The following COL10A1 variants were observed in gnomAD, a reference collection of about 807,000 sequenced individuals.
COL10A1 encodes collagen alpha-1(X) chain.
Under a neutral mutation model 18.2 loss-of-function variants are expected in COL10A1, and 10 were observed. The observed-to-expected ratio is 0.55, with a 90% CI of 0.34 to 0.93. COL10A1 has a LOEUF of 0.93. Among genes scored for constraint, COL10A1 ranks in the 40% least tolerant of loss-of-function variants. The pLI is 0.02. For synonymous variants in COL10A1, 330 were observed against 316.6 expected (o/e 1.04, Z -0.45); for missense variants, 897 against 853.5 (o/e 1.05, Z -0.64).
At chr6:116,135,912 A>C in intron 1 of COL10A1, among the ~76,000 whole-genome samples, 2 of 146,888 alleles carry the variant, frequency 1.4e-5, no homozygotes, top group East Asian at 2.0e-4. Flanking sequence ...TACCACAATC[A>C]AGCTAATTAA....
At chr6:116,215,127 C>G in the COL10A1 span, among the ~76,000 whole-genome samples, 2 of 152,060 alleles carry the variant, frequency 1.3e-5, no homozygotes, top group Non-Finnish European at 2.9e-5. Context: ...GAACATTGTA[C>G]TGATATTAAT....
intron 1 of COL10A1, among the ~76,000 whole-genome samples, chr6:116,144,067 A>G (rs1410636712): frequency 3.3e-5 from 5 of 152,332 alleles, no homozygotes; most frequent in South Asian, 4.1e-4. Flanking sequence ...TTATATTTTT[A>G]TAATGAGGAT....
chr6:116,176,001 G>C, the COL10A1 span, among the ~76,000 whole-genome samples: 1 of 152,114 alleles, frequency 6.6e-6, no homozygotes, highest in Non-Finnish European at 1.5e-5. Context: ...ATTTTTGATT[G>C]AATGCTGGAC....
At chr6:116,136,235 A>G (rs1779597888) in intron 1 of COL10A1, among the ~76,000 whole-genome samples, 1 of 152,070 alleles carries the variant, frequency 6.6e-6, no homozygotes, top group Admixed American at 6.6e-5. Flanking sequence ...ATTGTGTTCT[A>G]GGTTCATCCA....
intron 1 of COL10A1, among the ~76,000 whole-genome samples, chr6:116,154,142 T>C (rs1015648144): frequency 1.2e-4 from 19 of 152,140 alleles, no homozygotes; most frequent in African/African-American, 3.9e-4. Flanking sequence ...GTGTACTTTT[T>C]CCCCCTCAGA....
chr6:116,128,341 A>G (rs1220867084), upstream of COL10A1, among the ~76,000 whole-genome samples: 1 of 152,032 alleles, frequency 6.6e-6, no homozygotes, highest in Non-Finnish European at 1.5e-5. Flanking sequence ...TTCTAGCCAC[A>G]CCCCACCCAA....
chr6:116,121,978 A>G lies in COL10A1; in HGVS notation c.155-17T>C. The G allele has an allele frequency of 6.2e-7, 1 of 1,604,596 alleles. No individual in the cohort carries two copies. Among genetic ancestry groups the G allele is most frequent in the Admixed American group, 1.7e-5 (1 of 59,990 alleles). ...CTGCTATACCTAAAAGACACACCCA[A>G]CACACCCACCCATAGAAGGGGATGG... On this transcript the variant is annotated splice_polypyrimidine_tract_variant and intron_variant, in intron 2 of 2. Coordinates refer to ENST00000651968, the MANE Select transcript of COL10A1 (RefSeq NM_000493.4).
At chr6:116,178,086 TGTGCGCGCGC>T in the COL10A1 span, among the ~76,000 whole-genome samples, 22 of 77,580 alleles carry the variant, frequency 2.8e-4, no homozygotes, top group African/African-American at 1.3e-3. Context: ...TGTGTGTGTG[TGTGCGCGCGC>T]GCGCGCGTGC....
chr6:116,206,683 A>G, the COL10A1 span, among the ~76,000 whole-genome samples: 1 of 151,938 alleles, frequency 6.6e-6, no homozygotes, highest in South Asian at 2.1e-4. Flanking sequence ...CTCCATAATG[A>G]TTTAATTTGC....
intron 1 of COL10A1, among the ~76,000 whole-genome samples, chr6:116,148,089 G>A (rs1001714769): frequency 1.6e-4 from 24 of 152,034 alleles, no homozygotes; most frequent in Admixed American, 6.6e-4. Flanking sequence ...TAGAGTAGAT[G>A]GTATACAGCA....
chr6:116,160,777 T>G (rs973896449), upstream of COL10A1, among the ~76,000 whole-genome samples: 4 of 152,258 alleles, frequency 2.6e-5, no homozygotes, highest in Non-Finnish European at 4.4e-5. Context: ...AAGCCTTTAA[T>G]CTATCTTCAG....
intron 1 of COL10A1, among the ~76,000 whole-genome samples, chr6:116,135,962 C>G (rs969203908): frequency 6.6e-5 from 10 of 150,772 alleles, no homozygotes; most frequent in African/African-American, 2.4e-4. Flanking sequence ...AATACCTACT[C>G]TTTTAGCGTA....
chr6:116,199,309 C>T, the COL10A1 span, among the ~76,000 whole-genome samples: 1 of 151,984 alleles, frequency 6.6e-6, no homozygotes, highest in Non-Finnish European at 1.5e-5. Context: ...TTAATCTGGT[C>T]TTTGATGCTG....
the COL10A1 span, among the ~76,000 whole-genome samples, chr6:116,196,459 T>C: frequency 6.6e-6 from 1 of 152,054 alleles, no homozygotes; most frequent in Non-Finnish European, 1.5e-5. Context: ...AATCAACCAT[T>C]ATTAGTGATT....
At chr6:116,194,499 T>G in the COL10A1 span, among the ~76,000 whole-genome samples, 58 of 152,020 alleles carry the variant, frequency 3.8e-4, no homozygotes, top group East Asian at 9.9e-3. Context: ...AATAGCCTAT[T>G]TTATGTTGTG....
At chr6:116,192,164 CA>C in the COL10A1 span, among the ~76,000 whole-genome samples, 3 of 151,922 alleles carry the variant, frequency 2.0e-5, no homozygotes. Context: ...GGTGTGAGTT[CA>C]GAGTTAACTG....
the COL10A1 span, among the ~76,000 whole-genome samples, chr6:116,182,693 AT>A: frequency 6.6e-6 from 1 of 151,822 alleles, no homozygotes; most frequent in East Asian, 1.9e-4. Flanking sequence ...TCTTTTTAGA[AT>A]TGTCTCTTCA....
chr6:116,160,642 C>A (rs1056673753), upstream of COL10A1, among the ~76,000 whole-genome samples: 3 of 152,076 alleles, frequency 2.0e-5, no homozygotes, highest in Non-Finnish European at 4.4e-5. Flanking sequence ...CATTTGTCTA[C>A]TTTTGGTTTT....
the COL10A1 span, among the ~76,000 whole-genome samples, chr6:116,166,430 A>G: frequency 6.6e-6 from 1 of 152,172 alleles, no homozygotes; most frequent in Non-Finnish European, 1.5e-5. Flanking sequence ...ATCTTCAACA[A>G]AGGTGCTAAG....
Sources: allele counts gnomAD v4.1 joint callset (sites outside exome capture counted in the v4.1 genomes callset), GRCh38; gene constraint gnomAD v4.1.1; transcripts MANE v1.5; gene names NCBI Gene and HGNC (gene_info 2026-07-23, HGNC 2026-07-21).